RRM2: variants seen among roughly 807,000 people sequenced by gnomAD.
The protein encoded by RRM2 is ribonucleotide reductase regulatory subunit M2, also known as ribonucleoside-diphosphate reductase subunit M2.
A neutral mutation model predicts 45.9 loss-of-function variants in RRM2; 6 were observed. The ratio of observed to expected loss-of-function variants is 0.13; its 90% confidence interval spans 0.07 to 0.26. The LOEUF is 0.26. Among genes scored for constraint, RRM2 ranks in the 10% least tolerant of loss-of-function variants. The pLI is 1.00. For missense variants in RRM2, 343 were observed against 489.5 expected, an observed-to-expected ratio of 0.70 and a Z score of 2.82; for synonymous variants, 177 against 173.0, an observed-to-expected ratio of 1.02 and a Z score of -0.18.
At chr2:10,210,897 T>C (rs933909532) in exon 4 of RRM2, 1 of 263,764 alleles carries the variant, frequency 3.8e-6, no homozygotes, top group Non-Finnish European at 7.5e-6. Context: ...AGGGCAGCCA[T>C]CTACAAGCCA....
chr2:10,199,819 G>A (rs537887587), intron 3 of RRM2, among the ~76,000 whole-genome samples: 4 of 88,596 alleles, frequency 4.5e-5, no homozygotes, highest in Non-Finnish European at 9.5e-5. Flanking sequence ...ACAAATCATG[G>A]TATGACTAGT....
chr2:10,146,543 C>T (rs1663190634), intron 3 of RRM2, among the ~76,000 whole-genome samples: 1 of 152,246 alleles, frequency 6.6e-6, no homozygotes, highest in Non-Finnish European at 1.5e-5. Context: ...GACAGGTTGC[C>T]TTCTGGGGGC....
chr2:10,166,979 A>C (rs1393457284), intron 3 of RRM2, among the ~76,000 whole-genome samples: 5 of 152,214 alleles, frequency 3.3e-5, no homozygotes, highest in Non-Finnish European at 5.9e-5. Context: ...GGCCGTGGTC[A>C]CTTTGCTGGG....
chr2:10,153,290 T>A (rs1301480848), intron 3 of RRM2, among the ~76,000 whole-genome samples: 2 of 152,070 alleles, frequency 1.3e-5, no homozygotes. Flanking sequence ...GCCAAGATCA[T>A]GCCACTGCAC....
intron 3 of RRM2, among the ~76,000 whole-genome samples, chr2:10,174,843 G>A (rs1663879498): frequency 6.6e-6 from 1 of 150,466 alleles, no homozygotes; most frequent in African/African-American, 2.4e-5. Flanking sequence ...TTCCAGCCTG[G>A]GTGACAGAGT....
intron 3 of RRM2, among the ~76,000 whole-genome samples, chr2:10,150,528 TA>T (rs1337449578): frequency 2.0e-5 from 3 of 151,962 alleles, no homozygotes; most frequent in African/African-American, 7.2e-5. Context: ...TTTTCGACTT[TA>T]TTGGTGTATA....
intron 3 of RRM2, among the ~76,000 whole-genome samples, chr2:10,174,870 T>TAAA (rs57446176): frequency 7.3e-4 from 106 of 144,916 alleles, no homozygotes; most frequent in South Asian, 1.5e-3. Flanking sequence ...CAAAAATGGT[T>TAAA]AAAAAAAAAA....
At chr2:10,182,731 A>C (rs936557615) in intron 3 of RRM2, among the ~76,000 whole-genome samples, 1 of 152,234 alleles carries the variant, frequency 6.6e-6, no homozygotes, top group Non-Finnish European at 1.5e-5. Context: ...GGTTTGAAGC[A>C]AATGGTTGCC....
chr2:10,206,875 C>G (rs1664674636), intron 3 of RRM2, among the ~76,000 whole-genome samples: 1 of 152,212 alleles, frequency 6.6e-6, no homozygotes, highest in Non-Finnish European at 1.5e-5. Flanking sequence ...TGACTACAAT[C>G]TAGAATCCAA....
intron 3 of RRM2, among the ~76,000 whole-genome samples, chr2:10,174,641 A>G (rs1417425450): frequency 6.6e-6 from 1 of 151,852 alleles, no homozygotes; most frequent in African/African-American, 2.4e-5. Context: ...GGGAGGACAA[A>G]GGACCACCTG....
At chr2:10,124,572 T>C (rs1662741625) in intron 4 of RRM2, 145 bp from the exon 5 acceptor site, 4 of 870,368 alleles carry the variant, frequency 4.6e-6, no homozygotes, top group Non-Finnish European at 7.0e-6. Flanking sequence ...TGACATAAAA[T>C]ATCAAAGAAT....
chr2:10,151,586 C>A (rs1243191339), intron 3 of RRM2, among the ~76,000 whole-genome samples: 2 of 152,164 alleles, frequency 1.3e-5, no homozygotes, highest in East Asian at 3.9e-4. Flanking sequence ...GCGTGAGCCA[C>A]CACACCTGGC....
In RRM2 at chr2:10,141,797, T is replaced by C. The variant is rs961831159; in HGVS notation, n.261-57T>C. ...CATGGCCTGGGGCTGGGGCTGGGGC[T>C]GGGAGGCGGTTGCTCCAGCATGCAG... On this transcript the variant is annotated intron_variant and non_coding_transcript_variant, in intron 1 of 3. Transcript: ENST00000381786. The C allele has an allele frequency of 3.9e-6, 6 of 1,547,084 alleles. No homozygotes were observed. In the African/African-American group the frequency reaches 6.9e-5, roughly 18 times the overall value.
At chr2:10,138,530 T>C (rs913733345), upstream of RRM2, among the ~76,000 whole-genome samples, 3 of 152,096 alleles carry the variant, frequency 2.0e-5, no homozygotes, top group Admixed American at 6.6e-5. Flanking sequence ...CTCGAACTCC[T>C]GACCTCAAGT....
chr2:10,203,714 G>T (rs1181780614), intron 3 of RRM2, among the ~76,000 whole-genome samples: 1 of 152,108 alleles, frequency 6.6e-6, no homozygotes, highest in Non-Finnish European at 1.5e-5. Flanking sequence ...TTGTGCCATC[G>T]CACTCCAGCC....
intron 3 of RRM2, among the ~76,000 whole-genome samples, chr2:10,176,270 AT>A (rs774068283): frequency 2.0e-5 from 3 of 151,742 alleles, no homozygotes; most frequent in African/African-American, 7.3e-5. Flanking sequence ...TCTACTTCTA[AT>A]TTTTTTTCTT....
chr2:10,169,485 C>T lies in RRM2; in HGVS notation n.482+27110C>T, dbSNP rs769337412. 1.2e-4 allele frequency among the ~76,000 whole-genome samples: 18 copies of T among 152,194 alleles called. No individual in the cohort carries two copies. The highest frequency in any genetic ancestry group is 2.4e-4 in the Non-Finnish European group (16 of 68,040). On this transcript the variant is annotated intron_variant and non_coding_transcript_variant, in intron 3 of 3. Transcript: ENST00000381786. The surrounding 1 kb of genome is among the most constrained non-coding windows in gnomAD (Gnocchi z 5.1). ...GCAACAGAGAAGCCAGCAAAATGCT[C>T]TGCATGGGACAGGTTCTGGTTTTTG...
chr2:10,208,831 G>C (rs182999667), intron 3 of RRM2, among the ~76,000 whole-genome samples: 336 of 152,100 alleles, frequency 2.2e-3, no homozygotes, highest in Non-Finnish European at 3.9e-3. Flanking sequence ...TGCCAAGCCA[G>C]ACACTCACGT....
At position 10,129,611 on chromosome 2, in the gene RRM2, G is replaced by T. The variant is rs1383971126; in HGVS notation, c.*225G>T. 9.3e-6 allele frequency: 5 copies of T among 535,452 alleles called. No homozygotes were observed. The highest frequency in any genetic ancestry group is 1.6e-5 in the Non-Finnish European group (5 of 305,552). 33.2% of individuals were successfully genotyped at this position (535,452 alleles called of 1,614,324 possible). On this transcript the variant is annotated 3_prime_UTR_variant, in exon 10 of 10. Coordinates refer to ENST00000304567, the MANE Select transcript of RRM2 (RefSeq NM_001034.4). The surrounding 1 kb of genome is among the most constrained non-coding windows in gnomAD (Gnocchi z 4.8). Reference sequence around the variant, plus strand: ...GCTGGCTGTGACTTACCATAGCAGTGACAATGGCAGTCTTGGCTTTAAAGT... The same window carrying T: ...GCTGGCTGTGACTTACCATAGCAGTTACAATGGCAGTCTTGGCTTTAAAGT...
Sources: gnomAD v4.1 joint callset for allele counts (sites outside exome capture counted in the v4.1 genomes callset) on GRCh38, gnomAD v4.1.1 for gene constraint, Gnocchi (gnomAD v3.1) non-coding constraint, MANE v1.5 for transcripts, NCBI Gene and HGNC (gene_info 2026-07-23, HGNC 2026-07-21) for gene names.